CAMSAP2: variants seen among roughly 807,000 people sequenced by gnomAD.
The protein encoded by CAMSAP2 is calmodulin-regulated spectrin-associated protein 2.
Under a neutral mutation model 146.1 loss-of-function variants are expected in CAMSAP2, and 26 were observed. The ratio of observed to expected loss-of-function variants is 0.18; its 90% CI spans 0.13 to 0.25. The LOEUF is 0.25. Ranked by LOEUF, CAMSAP2 falls within the 10% of genes least tolerant of loss-of-function variation. The probability of loss-of-function intolerance (pLI) is 1.00; values close to 1 mark genes in which losing one functional copy is unlikely to be tolerated. For missense variants in CAMSAP2, 1,381 were observed against 1,759.3 expected, an observed-to-expected ratio of 0.78 and a Z score of 3.85; for synonymous variants, 499 against 596.6, an observed-to-expected ratio of 0.84 and a Z score of 2.38.
chr1:200,839,402 A>G (rs150984905), intron 6 of CAMSAP2, among the ~76,000 whole-genome samples: 19 of 152,272 alleles, frequency 1.2e-4, no homozygotes, highest in African/African-American at 4.6e-4. Context: ...AAACTAGAGA[A>G]TAGTTATTGA....
At chr1:200,767,635 G>A (rs1479875757) in intron 2 of CAMSAP2, among the ~76,000 whole-genome samples, 2 of 152,058 alleles carry the variant, frequency 1.3e-5, no homozygotes, top group Non-Finnish European at 2.9e-5. Context: ...TTATATAAAT[G>A]TAGTATTGTA....
At position 200,739,616 on chromosome 1, in the gene CAMSAP2, C is replaced by CGG. The variant is rs1664086909; in HGVS notation, c.-210_-209dup. 3.4e-6 allele frequency: 1 copy of CGG among 295,780 alleles called. No homozygotes were observed. Among genetic ancestry groups the CGG allele is most frequent in the Non-Finnish European group, 5.8e-6 (1 of 173,686 alleles). 18.3% of individuals were successfully genotyped at this position (295,780 alleles called of 1,614,324 possible). On this transcript the variant is annotated 5_prime_UTR_variant, in exon 1 of 17. An upstream open reading frame in the 5' UTR loses its in-frame stop. Transcript: ENST00000358823. The surrounding 1 kb of genome is among the most constrained non-coding windows in gnomAD (Gnocchi z 4.8). ...GACGGCGCCGCCACATTCCTATGCC[C>CGG]GGGAGCGGCGGCGGCGGCGGCGGCG...
intron 14 of CAMSAP2, 61 bp from the exon 15 acceptor site, chr1:200,855,949 A>G: frequency 9.2e-7 from 1 of 1,090,274 alleles, no homozygotes; most frequent in Non-Finnish European, 1.4e-6. Context: ...TTTCACGTAT[A>G]CCCTCTGGGC....
chr1:200,817,089 C>T (rs1373540480), intron 4 of CAMSAP2, among the ~76,000 whole-genome samples: 36 of 143,560 alleles, frequency 2.5e-4, no homozygotes, highest in African/African-American at 5.6e-4. Context: ...TACACACACA[C>T]GTATATATGT....
intron 2 of CAMSAP2, among the ~76,000 whole-genome samples, chr1:200,763,078 T>G (rs992633358): frequency 6.6e-6 from 1 of 152,130 alleles, no homozygotes; most frequent in Non-Finnish European, 1.5e-5. Flanking sequence ...TTTTGTACTT[T>G]TAGTAGAGGC....
At chr1:200,766,963 G>C (rs1324049266) in intron 2 of CAMSAP2, among the ~76,000 whole-genome samples, 1 of 152,186 alleles carries the variant, frequency 6.6e-6, no homozygotes, top group Non-Finnish European at 1.5e-5. Context: ...CAGTTAAGTA[G>C]AATGACTGCT....
intron 2 of CAMSAP2, among the ~76,000 whole-genome samples, chr1:200,792,168 C>T (rs1665772267): frequency 6.6e-6 from 1 of 152,044 alleles, no homozygotes; most frequent in Non-Finnish European, 1.5e-5. Context: ...ATCCTAAAAA[C>T]ATTAATGAGA....
Position 200,807,361 on chromosome 1 carries a change from GT to G in CAMSAP2, c.400-11del. ...TATAATTTTTAAACTATTTGTTCTTGTTTTATATTTTCAGAGTGCACATTTG... is the reference window on the plus strand; with the variant it reads ...TATAATTTTTAAACTATTTGTTCTTGTTTATATTTTCAGAGTGCACATTTG... On this transcript the variant is annotated splice_polypyrimidine_tract_variant and intron_variant, in intron 2 of 16. Transcript: ENST00000358823. 1.4e-6 allele frequency: 2 copies of G among 1,470,274 alleles called. No homozygotes were observed. The highest frequency in any genetic ancestry group is 1.8e-6 in the Non-Finnish European group (2 of 1,103,414). 91.1% of individuals were successfully genotyped at this position (1,470,274 alleles called of 1,614,324 possible). A position where few individuals can be genotyped will look rare whatever the true frequency, so the allele number is the denominator to read the frequency against.
At chr1:200,767,496 A>G (rs1664987660) in intron 2 of CAMSAP2, among the ~76,000 whole-genome samples, 1 of 140,754 alleles carries the variant, frequency 7.1e-6, no homozygotes, top group South Asian at 2.2e-4. Flanking sequence ...TTTTTTTTTT[A>G]AACATATTGG....
intron 2 of CAMSAP2, among the ~76,000 whole-genome samples, chr1:200,763,182 A>C (rs1571727467): frequency 6.6e-6 from 1 of 152,102 alleles, no homozygotes; most frequent in East Asian, 1.9e-4. Context: ...TTACAGGTGC[A>C]CGGCATGGGC....
Position 200,849,302 on chromosome 1 carries a change from C to T in CAMSAP2, c.2533C>T (p.Gln845Ter), listed in dbSNP as rs775504120. Residue 845 changes from glutamine to a stop codon, truncating the protein, a stop_gained, in exon 11 of 17, where the codon CAA (glutamine) becomes TAA (stop). Transcript: ENST00000358823. LOFTEE classifies it high-confidence loss of function. This position sits in a 1 kb window ranked among gnomAD's most constrained non-coding sequence, Gnocchi z 6.3. ...TATAAAAGAGAGCATGGAGAATCCT[C>T]AAGCCAAATGGCTAAAGTCTCCAAC... ...ADIKESMENP[Q>*]AKWLKSPTTP... 1 of 1,614,024 alleles carries T rather than the reference C, an allele frequency of 6.2e-7. No homozygotes were observed. The highest frequency in any genetic ancestry group is 8.5e-7 in the Non-Finnish European group (1 of 1,180,028).
chr1:200,852,800 C>T, intron 12 of CAMSAP2, 123 bp downstream of exon 12: 1 of 1,070,036 alleles, frequency 9.3e-7, no homozygotes. Flanking sequence ...AGATTTCTTT[C>T]AGAGAAGTTT....
intron 1 of CAMSAP2, among the ~76,000 whole-genome samples, chr1:200,749,311 T>G (rs1327869253): frequency 6.6e-6 from 1 of 152,210 alleles, no homozygotes; most frequent in Non-Finnish European, 1.5e-5. Context: ...CAGCTGTAGC[T>G]TGCCACAAGC....
chr1:200,833,772 C>T (rs1273413782), intron 6 of CAMSAP2, among the ~76,000 whole-genome samples: 3 of 151,774 alleles, frequency 2.0e-5, no homozygotes, highest in Non-Finnish European at 4.4e-5. Flanking sequence ...ATTTAACTAC[C>T]ATTATGCATA....
At chr1:200,851,300 A>G (rs1305752689) in intron 11 of CAMSAP2, among the ~76,000 whole-genome samples, 1 of 152,170 alleles carries the variant, frequency 6.6e-6, no homozygotes. Flanking sequence ...TCCTGGGTTC[A>G]GGCGATTCTC....
chr1:200,847,348 A>G (rs1667484205), intron 9 of CAMSAP2, 56 bp downstream of exon 9: 1 of 1,205,338 alleles, frequency 8.3e-7, no homozygotes, highest in Non-Finnish European at 1.2e-6. Flanking sequence ...TACCTGGGAA[A>G]TGATTGACAG....
chr1:200,770,099 T>G (rs1665073993), intron 2 of CAMSAP2, among the ~76,000 whole-genome samples: 1 of 152,072 alleles, frequency 6.6e-6, no homozygotes, highest in Non-Finnish European at 1.5e-5. Context: ...TTGGAAGATG[T>G]GAGGTGTGGG....
intron 4 of CAMSAP2, among the ~76,000 whole-genome samples, chr1:200,817,143 TAC>T (rs1666589618): frequency 7.7e-6 from 1 of 130,202 alleles, no homozygotes; most frequent in African/African-American, 2.9e-5. Flanking sequence ...TGTGTATATA[TAC>T]ACATACACAC....
intron 2 of CAMSAP2, among the ~76,000 whole-genome samples, chr1:200,792,408 A>G (rs1410608312): frequency 6.6e-6 from 1 of 152,216 alleles, no homozygotes. Flanking sequence ...CAAGCCTGTA[A>G]TCCCAGCACT....
Sources: gnomAD v4.1 joint callset for allele counts (sites outside exome capture counted in the v4.1 genomes callset) on GRCh38, gnomAD v4.1.1 for gene constraint, Gnocchi (gnomAD v3.1) non-coding constraint, MANE v1.5 for transcripts, NCBI Gene and HGNC (gene_info 2026-07-23, HGNC 2026-07-21) for gene names.